The following PGM2 variants were observed in gnomAD, a reference collection of about 807,000 sequenced individuals.
PGM2 encodes the protein phosphopentomutase.
A neutral mutation model predicts 74.6 loss-of-function variants in PGM2; 57 were observed. That is an observed-to-expected ratio of 0.76 (90% CI 0.62 to 0.95). The LOEUF is 0.95. Among genes scored for constraint, PGM2 ranks in the 40% least tolerant of loss-of-function variants. The pLI is 0.00. For missense variants in PGM2, 706 were observed against 741.9 expected (o/e 0.95, Z 0.56); for synonymous variants, 273 against 260.7 (o/e 1.05, Z -0.46).
At position 37,826,736 on chromosome 4, in the gene PGM2, G is replaced by A; in HGVS notation, c.4G>A (p.Ala2Thr). The part of the protein sequence containing the change: M[A>T]APEGSGLGED... ...CAGCGGTAGCACAAGCTCAGCGATG[G>A]CGGCTCCAGAAGGCAGCGGTCTAGG... The change falls in exon 1 of 14, where the codon GCG becomes ACG. Residue 2 changes from alanine to threonine, a missense_variant. Physicochemically the swap from Ala to Thr is moderately conservative, Grantham distance 58. Around this residue, in one of 3 missense-constraint regions of PGM2, gnomAD observed 332 missense variants for 334.9 expected, o/e 0.99. Transcript: ENST00000381967. 1 of 1,549,860 alleles carries A rather than the reference G, an allele frequency of 6.5e-7. No individual in the cohort carries two copies. The highest frequency in any genetic ancestry group is 8.7e-7 in the Non-Finnish European group (1 of 1,146,132).
At chr4:37,853,071 T>G (rs554217817) in intron 12 of PGM2, among the ~76,000 whole-genome samples, 1 of 152,340 alleles carries the variant, frequency 6.6e-6, no homozygotes, top group South Asian at 2.1e-4. Flanking sequence ...CTTCTGTTTT[T>G]CTGGGAGATT....
rs959052035 is a variant in PGM2, at chr4:37,835,164, A to G, written c.356+440A>G. Among the ~76,000 whole-genome samples the G allele has an allele frequency of 3.5e-4, 54 of 152,200 alleles. 1 individual carries two copies. The highest frequency in any genetic ancestry group is 2.4e-4 in the Non-Finnish European group (16 of 68,030). ...GACAATGATAATAGTAATAGCAGCAATCATTTGAGTGCTGATTATGAACCA... is the reference window on the plus strand; with the variant it reads ...GACAATGATAATAGTAATAGCAGCAGTCATTTGAGTGCTGATTATGAACCA... On this transcript the variant is annotated intron_variant, in intron 3 of 13. Transcript: ENST00000381967.
chr4:37,826,728 C>G lies in PGM2; in HGVS notation c.-5C>G. 1.9e-6 allele frequency: 3 copies of G among 1,549,380 alleles called. No individual in the cohort carries two copies. The highest frequency in any genetic ancestry group is 2.6e-6 in the Non-Finnish European group (3 of 1,145,664). ...TCCCTCTGCAGCGGTAGCACAAGCT[C>G]AGCGATGGCGGCTCCAGAAGGCAGC... On this transcript the variant is annotated 5_prime_UTR_variant, in exon 1 of 14. Coordinates refer to ENST00000381967, the MANE Select transcript of PGM2 (RefSeq NM_018290.4).
intron 12 of PGM2, among the ~76,000 whole-genome samples, chr4:37,851,961 G>GTTTTATTTCTTT (rs1430228977): frequency 7.4e-6 from 1 of 135,338 alleles, no homozygotes; most frequent in Non-Finnish European, 1.6e-5. Context: ...CCTTTTGTTT[G>GTTTTATTTCTTT]TTTGTTTTCT....
chr4:37,827,356 C>T (rs187814971), intron 1 of PGM2, among the ~76,000 whole-genome samples: 343 of 152,334 alleles, frequency 2.3e-3, no homozygotes, highest in Non-Finnish European at 3.2e-3. Flanking sequence ...AGAACTTTGA[C>T]TGCCAGGGAG....
chr4:37,855,245 C>T (rs552145057), intron 12 of PGM2, among the ~76,000 whole-genome samples: 12 of 152,210 alleles, frequency 7.9e-5, no homozygotes, highest in African/African-American at 2.6e-4. Flanking sequence ...CTGCTCTCTG[C>T]CTCTGTGAGT....
At chr4:37,837,393 A>G in intron 3 of PGM2, 136 bp from the exon 4 acceptor site, 2 of 702,968 alleles carry the variant, frequency 2.8e-6, no homozygotes, top group Non-Finnish European at 5.2e-6. Flanking sequence ...CAGGGTAAAG[A>G]TTATAATAAA....
intron 6 of PGM2, among the ~76,000 whole-genome samples, chr4:37,843,921 T>G (rs1223580356): frequency 6.6e-6 from 1 of 152,180 alleles, no homozygotes; most frequent in African/African-American, 2.4e-5. Flanking sequence ...CCCAACACAT[T>G]TTGTTAAAAA....
intron 3 of PGM2, among the ~76,000 whole-genome samples, chr4:37,836,862 G>GGGGTGTGT (rs71658740): frequency 4.8e-4 from 73 of 150,528 alleles, no homozygotes; most frequent in African/African-American, 1.1e-3. Flanking sequence ...TATGTGTATG[G>GGGGTGTGT]GTGTGTGTGT....
chr4:37,841,098 A>ATG lies in PGM2; in HGVS notation c.719+840_719+841insGT, dbSNP rs66836878. 3.5e-5 allele frequency among the ~76,000 whole-genome samples: 4 copies of ATG among 114,844 alleles called. 1 individual carries two copies. In the South Asian group the frequency reaches 8.4e-4, roughly 24 times the overall value. 75.3% of individuals were successfully genotyped at this position (114,844 alleles called of 152,430 possible). A position where few individuals can be genotyped will look rare whatever the true frequency, so the allele number is the denominator to read the frequency against. The stretch of plus-strand genomic sequence containing the variant: ...TATATATATATATATATATATATAT[A>ATG]TATGTGTGTGTGTGTGTTTGTATAT... On this transcript the variant is annotated intron_variant, in intron 6 of 13. Coordinates refer to ENST00000381967, the MANE Select transcript of PGM2 (RefSeq NM_018290.4).
intron 13 of PGM2, among the ~76,000 whole-genome samples, chr4:37,857,368 A>G (rs1373251010): frequency 1.3e-5 from 2 of 152,142 alleles, no homozygotes; most frequent in East Asian, 3.8e-4. Context: ...AGCAGATGAA[A>G]ATTCCTGAGC....
intron 8 of PGM2, among the ~76,000 whole-genome samples, chr4:37,846,565 A>T (rs2152178763): frequency 6.6e-6 from 1 of 152,334 alleles, no homozygotes; most frequent in South Asian, 2.1e-4. Context: ...AGAAATTGAG[A>T]TAGCAAAACT....
intron 12 of PGM2, among the ~76,000 whole-genome samples, chr4:37,854,483 T>G (rs1726137419): frequency 6.6e-6 from 1 of 152,274 alleles, no homozygotes; most frequent in Admixed American, 6.5e-5. Context: ...CCTGAGTAGC[T>G]GAGATTACAG....
chr4:37,833,124 C>T (rs903437135), intron 2 of PGM2, among the ~76,000 whole-genome samples: 2 of 152,314 alleles, frequency 1.3e-5, no homozygotes, highest in East Asian at 1.9e-4. Context: ...AAAACCAATA[C>T]ACATGGCCTT....
chr4:37,856,370 G>C (rs1726198969), intron 13 of PGM2, among the ~76,000 whole-genome samples: 1 of 152,122 alleles, frequency 6.6e-6, no homozygotes, highest in South Asian at 2.1e-4. Flanking sequence ...GGGCGACAGA[G>C]CGAGACTCCA....
chr4:37,831,992 A>G (rs1221181642), intron 2 of PGM2, among the ~76,000 whole-genome samples: 1 of 152,282 alleles, frequency 6.6e-6, no homozygotes, highest in East Asian at 1.9e-4. Flanking sequence ...GTATTTTTCT[A>G]TATCTAGTTT....
chr4:37,847,466 A>G, intron 10 of PGM2, 171 bp downstream of exon 10: 1 of 572,698 alleles, frequency 1.7e-6, no homozygotes, highest in Admixed American at 3.2e-5. Flanking sequence ...TTTACAGCCA[A>G]AAGGAATGTC....
intron 8 of PGM2, 79 bp downstream of exon 8, chr4:37,845,809 C>A: frequency 1.1e-6 from 1 of 925,170 alleles, no homozygotes; most frequent in Non-Finnish European, 1.8e-6. Flanking sequence ...TCTGGGGAGA[C>A]GGGACCTATT....
chr4:37,850,990 CAAA>C (rs34801450), intron 12 of PGM2, among the ~76,000 whole-genome samples: 39 of 107,326 alleles, frequency 3.6e-4, no homozygotes, highest in Non-Finnish European at 5.5e-4. Flanking sequence ...GACTTCATCT[CAAA>C]AAAAAAAAAA....
Sources: gnomAD v4.1 joint callset for allele counts (sites outside exome capture counted in the v4.1 genomes callset) on GRCh38, gnomAD v4.1.1 for gene constraint, gnomAD v4.1.1 regional missense constraint, MANE v1.5 for transcripts, NCBI Gene and HGNC (gene_info 2026-07-23, HGNC 2026-07-21) for gene names.